UNC13B: variants seen among roughly 807,000 people sequenced by gnomAD.
The protein encoded by UNC13B is unc-13 homolog B, also known as protein unc-13 homolog B.
In UNC13B, 144 loss-of-function variants were observed where a neutral mutation model predicts 211.0. The ratio of observed to expected loss-of-function variants is 0.68; its 90% CI spans 0.60 to 0.78. The LOEUF (loss-of-function observed/expected upper bound fraction) is 0.78, where lower values mean the gene tolerates loss of function less well. UNC13B is among the 30% of genes least tolerant of loss of function. The probability of loss-of-function intolerance (pLI) is 0.00; values close to 1 mark genes in which losing one functional copy is unlikely to be tolerated. For missense variants in UNC13B, 1,777 were observed against 2,002.0 expected (o/e 0.89, Z 2.14); for synonymous variants, 709 against 725.8 (o/e 0.98, Z 0.37).
intron 1 of UNC13B, among the ~76,000 whole-genome samples, chr9:35,216,140 G>C (rs1273448401): frequency 6.6e-6 from 1 of 152,206 alleles, no homozygotes; most frequent in Non-Finnish European, 1.5e-5. Flanking sequence ...AGCATTAACA[G>C]ACTAAAGAGG....
intron 1 of UNC13B, among the ~76,000 whole-genome samples, chr9:35,189,046 AG>A (rs2131334247): frequency 6.6e-6 from 1 of 152,350 alleles, no homozygotes; most frequent in South Asian, 2.1e-4. Context: ...ATTGTTTGCA[AG>A]ATTAATTTTT....
chr9:35,386,015 G>A (rs1564188297), intron 23 of UNC13B, 150 bp from the exon 24 acceptor site: 1 of 1,441,644 alleles, frequency 6.9e-7, no homozygotes, highest in Non-Finnish European at 9.3e-7. Context: ...AGTTTTCCCT[G>A]TCAACTATCC....
chr9:35,214,108 C>A lies in UNC13B; in HGVS notation c.23-13907C>A, dbSNP rs183952991. ...TGATTATAGACATTTAAAAAGGAAT[C>A]GAAAAAGAAAGGGATACTATATTTA... On this transcript the variant is annotated intron_variant, in intron 1 of 39. Transcript: ENST00000635942. Among the ~76,000 whole-genome samples the A allele has an allele frequency of 2.8e-4, 42 of 151,916 alleles. No individual in the cohort carries two copies. In the East Asian group the frequency reaches 7.7e-3, roughly 28 times the overall value.
chr9:35,176,949 G>C (rs2131283413), intron 1 of UNC13B, among the ~76,000 whole-genome samples: 1 of 152,228 alleles, frequency 6.6e-6, no homozygotes, highest in East Asian at 1.9e-4. Context: ...AAGGATCTGA[G>C]AGAAGGCAAG....
intron 11 of UNC13B, among the ~76,000 whole-genome samples, chr9:35,359,584 A>G (rs1306248651): frequency 6.6e-6 from 1 of 151,836 alleles, no homozygotes; most frequent in Admixed American, 6.6e-5. Context: ...TGCCTTTCCT[A>G]TTGTCTTTCT....
intron 1 of UNC13B, among the ~76,000 whole-genome samples, chr9:35,184,841 AAAG>A (rs1822269321): frequency 2.1e-5 from 2 of 96,830 alleles, no homozygotes; most frequent in South Asian, 7.2e-4. Flanking sequence ...GAGGAGAAAG[AAAG>A]AAAGAAAAGA....
chr9:35,381,642 C>T lies in UNC13B; in HGVS notation c.10578C>T (p.Tyr3526=), dbSNP rs1467189994. ...GAGGAGACGATGCCTGGAAGGTGTACTTTGATGAGACAGCCCAAGAAATTG... is the reference window on the plus strand; with the variant it reads ...GAGGAGACGATGCCTGGAAGGTGTATTTTGATGAGACAGCCCAAGAAATTG... ...EARGDDAWKV[Y]FDETAQEIVD... Residue 3526 remains tyrosine (Y), a synonymous_variant, in exon 20 of 40, where the codon TAC becomes TAT. Coordinates refer to ENST00000635942, the MANE Select transcript of UNC13B (RefSeq NM_001371189.2). The T allele has an allele frequency of 3.1e-6, 5 of 1,614,210 alleles. No individual in the cohort carries two copies. The highest frequency in any genetic ancestry group is 1.1e-5 in the South Asian group (1 of 91,084).
At chr9:35,384,438 C>T (rs1352117301) in intron 22 of UNC13B, 124 bp downstream of exon 22, 2 of 1,456,960 alleles carry the variant, frequency 1.4e-6, no homozygotes, top group Admixed American at 2.3e-5. Context: ...TCACATCCAC[C>T]CAAATGGCCA....
In UNC13B at chr9:35,396,865, A is replaced by G. The variant is rs751768875; in HGVS notation, c.11460A>G (p.Gln3820=). 29 of 1,614,118 alleles carry G rather than the reference A, an allele frequency of 1.8e-5. 1 individual carries two copies. In the South Asian group the frequency reaches 2.9e-4, roughly 16 times the overall value. ...GGTGGTTTGAGCAGTTCGTGCTACA[A>G]TGGCTGGATGAGAATGAGGATGTAT... ...YPAWFEQFVL[Q]WLDENEDVSL... Residue 3820 remains glutamine, a synonymous_variant, in exon 28 of 40, where the codon CAA becomes CAG. Coordinates refer to ENST00000635942, the MANE Select transcript of UNC13B (RefSeq NM_001371189.2).
chr9:35,269,952 T>C (rs1177557991), intron 7 of UNC13B, among the ~76,000 whole-genome samples: 1 of 152,224 alleles, frequency 6.6e-6, no homozygotes, highest in Admixed American at 6.5e-5. Context: ...CCATTTTCTT[T>C]GATGCTCAAA....
chr9:35,261,015 C>A (rs1827243650), intron 7 of UNC13B, among the ~76,000 whole-genome samples: 1 of 152,154 alleles, frequency 6.6e-6, no homozygotes, highest in Admixed American at 6.5e-5. Context: ...TGTTTACAGG[C>A]TATTTTATTT....
In UNC13B at chr9:35,329,319, T is replaced by G. The variant is rs375341847; in HGVS notation, c.9414+15330T>G. Among the ~76,000 whole-genome samples the G allele has an allele frequency of 7.3e-4, 111 of 152,178 alleles. 1 individual carries two copies. The South Asian group carries it at 0.018, about 25-fold the overall frequency. On this transcript the variant is annotated intron_variant, in intron 11 of 39. Coordinates refer to ENST00000635942, the MANE Select transcript of UNC13B (RefSeq NM_001371189.2). ...CTGAAGTCATATGGGTGGGCTTTAC[T>G]CCATTATGACTAATGTCCTTGGAAG...
rs1349162677 is a variant in UNC13B, at chr9:35,300,622, T to G, written c.1218T>G (p.Ile406Met). The change falls in exon 9 of 40, where the codon ATT (isoleucine) becomes ATG (methionine). Residue 406 changes from isoleucine (I) to methionine (M), a missense_variant. Physicochemically the swap from Ile to Met is conservative, Grantham distance 10. Coordinates refer to ENST00000635942, the MANE Select transcript of UNC13B (RefSeq NM_001371189.2). ...PTWHSSNVHH[I>M]GDFPEEYYVA... The stretch of plus-strand genomic sequence containing the variant: ...GGCATTCATCCAATGTCCACCATAT[T>G]GGAGATTTTCCTGAGGAATATTATG... 24 of 398,890 alleles carry G rather than the reference T, an allele frequency of 6.0e-5. No individual in the cohort carries two copies. The East Asian group carries it at 8.5e-4, about 14-fold the overall frequency. The allele number at this position is 398,890 out of a possible 1,614,324, so 24.7% of individuals were successfully genotyped here. A position where few individuals can be genotyped will look rare whatever the true frequency, so the allele number is the denominator to read the frequency against.
rs149991126 is a variant in UNC13B, at chr9:35,384,205, G to A, written c.10807-41G>A. The A allele has an allele frequency of 5.9e-4, 945 of 1,612,892 alleles. 4 individuals are homozygous for A. In the African/African-American group the frequency reaches 0.011, roughly 19 times the overall value. Reference sequence around the variant, plus strand: ...TTATAGTTTAGGGGACTCAGACACAGGTTCTCTTTTTCTTCCCCTTTATTT... The same window carrying A: ...TTATAGTTTAGGGGACTCAGACACAAGTTCTCTTTTTCTTCCCCTTTATTT... On this transcript the variant is annotated intron_variant, in intron 21 of 39. Transcript: ENST00000635942.
chr9:35,173,013 G>A (rs1821417872), intron 1 of UNC13B, among the ~76,000 whole-genome samples: 1 of 152,130 alleles, frequency 6.6e-6, no homozygotes. Context: ...GATTGTGTTG[G>A]GCTGTCAATT....
At chr9:35,345,345 A>C (rs946547468) in intron 11 of UNC13B, among the ~76,000 whole-genome samples, 5 of 152,184 alleles carry the variant, frequency 3.3e-5, no homozygotes, top group Non-Finnish European at 7.4e-5. Flanking sequence ...AGGGTGGGGT[A>C]TCAGTGGACG....
chr9:35,170,443 G>T (rs1001565974), intron 1 of UNC13B, among the ~76,000 whole-genome samples: 6 of 152,010 alleles, frequency 3.9e-5, no homozygotes, highest in African/African-American at 1.5e-4. Context: ...TGGGATTACA[G>T]ATGTGAGCCA....
At chr9:35,309,407 T>A (rs903984019) in intron 9 of UNC13B, among the ~76,000 whole-genome samples, 1 of 152,228 alleles carries the variant, frequency 6.6e-6, no homozygotes, top group African/African-American at 2.4e-5. Flanking sequence ...GAAAATCCCA[T>A]TGGAAAATAA....
At chr9:35,355,947 G>A (rs1415656573) in intron 11 of UNC13B, among the ~76,000 whole-genome samples, 1 of 152,232 alleles carries the variant, frequency 6.6e-6, no homozygotes, top group East Asian at 1.9e-4. Flanking sequence ...TCAGCTTGCA[G>A]AGTTTCCTTT....
Sources: allele counts gnomAD v4.1 joint callset (sites outside exome capture counted in the v4.1 genomes callset), GRCh38; gene constraint gnomAD v4.1.1; transcripts MANE v1.5; gene names NCBI Gene and HGNC (gene_info 2026-07-23, HGNC 2026-07-21).